PRPF6: variants seen among roughly 807,000 people sequenced by gnomAD.
PRPF6 encodes the protein pre-mRNA-processing factor 6.
Under a neutral mutation model 118.3 loss-of-function variants are expected in PRPF6, and 42 were observed. That is an observed-to-expected ratio of 0.35 (90% confidence interval 0.28 to 0.46). PRPF6 has a LOEUF of 0.46. Ranked by LOEUF, PRPF6 falls within the 20% of genes least tolerant of loss-of-function variation. The pLI, the probability that PRPF6 is intolerant of heterozygous loss-of-function variation, is 1.00. For synonymous variants in PRPF6, 481 were observed against 485.1 expected, an observed-to-expected ratio of 0.99 and a Z score of 0.11; for missense variants, 662 against 1,255.7, an observed-to-expected ratio of 0.53 and a Z score of 7.15.
At chr20:63,992,278 T>C (rs2059122043) in intron 3 of PRPF6, among the ~76,000 whole-genome samples, 1 of 152,038 alleles carries the variant, frequency 6.6e-6, no homozygotes, top group Non-Finnish European at 1.5e-5. Flanking sequence ...TTTATTTTTT[T>C]GAGACGAAGT....
In PRPF6 at chr20:64,027,214, GC is replaced by G; in HGVS notation, c.2205+61del. On this transcript the variant is annotated intron_variant, in intron 16 of 20. Transcript: ENST00000266079. The surrounding 1 kb of genome is among the most constrained non-coding windows in gnomAD (Gnocchi z 6.5). The stretch of plus-strand genomic sequence containing the variant: ...GCTGACCCGGCATTCACAAAACTGA[GC>G]CCCCTGGTGCAGGGTCATTGCCCTT... 1.9e-6 allele frequency: 3 copies of G among 1,598,666 alleles called. No individual in the cohort carries two copies. Among genetic ancestry groups the G allele is most frequent in the Non-Finnish European group, 2.6e-6 (3 of 1,171,286 alleles).
intron 13 of PRPF6, among the ~76,000 whole-genome samples, chr20:64,023,704 T>A (rs1190351987): frequency 4.6e-5 from 7 of 152,206 alleles, no homozygotes; most frequent in Admixed American, 4.6e-4. Flanking sequence ...CGTTTTGAAA[T>A]GGCTGCCATG....
chr20:63,990,583 C>T (rs960735278), intron 3 of PRPF6, among the ~76,000 whole-genome samples: 1 of 151,934 alleles, frequency 6.6e-6, no homozygotes, highest in Admixed American at 6.6e-5. Flanking sequence ...GATTCTCCTG[C>T]TTCAGCCTCC....
In PRPF6 at chr20:63,984,722, C is replaced by T. The variant is rs184520630; in HGVS notation, c.241-185C>T. 5.4e-4 allele frequency among the ~76,000 whole-genome samples: 83 copies of T among 152,340 alleles called. No individual in the cohort carries two copies. The East Asian group carries it at 0.011, about 21-fold the overall frequency. ...GGTCCCTTCCAATTGGGGGTCTCCT[C>T]TGTCTTCCATGCCCTTGACGCTTGA... On this transcript the variant is annotated intron_variant, in intron 2 of 20. Coordinates refer to ENST00000266079, the MANE Select transcript of PRPF6 (RefSeq NM_012469.4).
At chr20:64,032,763 G>A (rs943314547) in intron 20 of PRPF6, 78 bp from the exon 21 acceptor site, 3 of 1,532,452 alleles carry the variant, frequency 2.0e-6, no homozygotes, top group East Asian at 2.4e-5. Context: ...AGGTCTGCAG[G>A]GGCCAGGCGA....
intron 9 of PRPF6, among the ~76,000 whole-genome samples, chr20:64,002,301 G>T (rs1386771636): frequency 1.8e-4 from 27 of 150,412 alleles, no homozygotes; most frequent in Non-Finnish European, 3.1e-4. Context: ...GATTCCAGGC[G>T]TGAGCCACTG....
In PRPF6 at chr20:64,028,588, T is replaced by C; in HGVS notation, c.2431+19T>C. Reference sequence around the variant, plus strand: ...AACTCCGGTAAGGGGGTGCCCCGACTCCGGTAAGGGGGTGCCCTGACTCCG... The same window carrying C: ...AACTCCGGTAAGGGGGTGCCCCGACCCCGGTAAGGGGGTGCCCTGACTCCG... On this transcript the variant is annotated intron_variant, in intron 18 of 20. Transcript: ENST00000266079. This position sits in a 1 kb window ranked among gnomAD's most constrained non-coding sequence, Gnocchi z 6.5. 1 of 1,608,760 alleles carries C rather than the reference T, an allele frequency of 6.2e-7. No homozygotes were observed.
intron 3 of PRPF6, among the ~76,000 whole-genome samples, chr20:63,986,891 G>T (rs954944860): frequency 6.6e-6 from 1 of 151,876 alleles, no homozygotes; most frequent in Non-Finnish European, 1.5e-5. Context: ...ACCTCAGGCT[G>T]GGTGTGGTGG....
intron 3 of PRPF6, among the ~76,000 whole-genome samples, chr20:63,985,847 A>G (rs762821114): frequency 6.6e-6 from 1 of 152,186 alleles, no homozygotes; most frequent in African/African-American, 2.4e-5. Context: ...ACTAATACCA[A>G]TTCTACTCAG....
chr20:64,021,923 TCAGCCA>T (rs1282693283), intron 12 of PRPF6, among the ~76,000 whole-genome samples: 2 of 144,552 alleles, frequency 1.4e-5, no homozygotes, highest in Admixed American at 6.9e-5. Context: ...TGCATATGCC[TCAGCCA>T]CAGCCGTGTG....
Position 64,026,422 on chromosome 20 carries a change from C to T in PRPF6, c.2028+364C>T, listed in dbSNP as rs1013458607. Among the ~76,000 whole-genome samples, 11 of 152,124 alleles carry T rather than the reference C, an allele frequency of 7.2e-5. No individual in the cohort carries two copies. Among genetic ancestry groups the T allele is most frequent in the Middle Eastern group, 3.4e-3 (1 of 294 alleles). On this transcript the variant is annotated intron_variant, in intron 15 of 20. Coordinates refer to ENST00000266079, the MANE Select transcript of PRPF6 (RefSeq NM_012469.4). The surrounding 1 kb of genome is among the most constrained non-coding windows in gnomAD (Gnocchi z 4.4). ...TCGGGAGGCTGAGGCAGGAGAATCG[C>T]TTGAACCCCGGGGGTGGAGGTTGCG...
intron 3 of PRPF6, among the ~76,000 whole-genome samples, chr20:63,990,307 C>T (rs1264804052): frequency 6.6e-6 from 1 of 152,174 alleles, no homozygotes; most frequent in Non-Finnish European, 1.5e-5. Context: ...CATGAGATTT[C>T]ATGGGGACAC....
In PRPF6 at chr20:64,026,825, C is replaced by T. The variant is rs1318857268; in HGVS notation, c.2029-157C>T. On this transcript the variant is annotated intron_variant, in intron 15 of 20. Coordinates refer to ENST00000266079, the MANE Select transcript of PRPF6 (RefSeq NM_012469.4). This position sits in a 1 kb window ranked among gnomAD's most constrained non-coding sequence, Gnocchi z 4.4. ...AAAAAAAAACAAAACAAAACAAAAA[C>T]ATATATTTATCCCCACCTTTTGTGT... 2.0e-5 allele frequency among the ~76,000 whole-genome samples: 3 copies of T among 152,108 alleles called. No homozygotes were observed. The highest frequency in any genetic ancestry group is 4.4e-5 in the Non-Finnish European group (3 of 68,018).
chr20:64,001,632 G>A (rs992468371), intron 9 of PRPF6, among the ~76,000 whole-genome samples: 30 of 152,374 alleles, frequency 2.0e-4, no homozygotes, highest in Non-Finnish European at 3.8e-4. Context: ...CAGACCCGTT[G>A]TGGGTGTTAC....
chr20:64,016,081 G>T (rs1231394410), intron 11 of PRPF6, among the ~76,000 whole-genome samples: 1 of 151,982 alleles, frequency 6.6e-6, no homozygotes, highest in Non-Finnish European at 1.5e-5. Context: ...TTGTACCACA[G>T]CACTTCAGCC....
intron 9 of PRPF6, among the ~76,000 whole-genome samples, chr20:64,009,279 C>CAAAAAAA (rs59045216): frequency 7.8e-5 from 3 of 38,228 alleles, no homozygotes; most frequent in Non-Finnish European, 9.9e-5. Context: ...GACTCCATCG[C>CAAAAAAA]AAAAAAAAAA....
At chr20:63,989,841 C>A (rs1250492631) in intron 3 of PRPF6, among the ~76,000 whole-genome samples, 1 of 151,918 alleles carries the variant, frequency 6.6e-6, no homozygotes, top group African/African-American at 2.4e-5. Context: ...GTAATCATAA[C>A]TTCCTGTGAT....
chr20:64,026,970 T>C lies in PRPF6; in HGVS notation c.2029-12T>C. 6.2e-7 allele frequency: 1 copy of C among 1,613,738 alleles called. No individual in the cohort carries two copies. The highest frequency in any genetic ancestry group is 2.2e-5 in the East Asian group (1 of 44,880). ...CTGATGCCCTGCGTGACAGTGCATG[T>C]CTGCCCCACAGGTGTTCATGAAGTC... On this transcript the variant is annotated splice_polypyrimidine_tract_variant and intron_variant, in intron 15 of 20. Coordinates refer to ENST00000266079, the MANE Select transcript of PRPF6 (RefSeq NM_012469.4). The surrounding 1 kb of genome is among the most constrained non-coding windows in gnomAD (Gnocchi z 4.4).
intron 1 of PRPF6, among the ~76,000 whole-genome samples, chr20:63,982,243 G>C (rs187810610): frequency 2.0e-5 from 3 of 152,250 alleles, no homozygotes; most frequent in East Asian, 3.9e-4. Context: ...TGCGATCTCA[G>C]CTCCCTGCAA....
Sources: gnomAD v4.1 joint callset for allele counts (sites outside exome capture counted in the v4.1 genomes callset) on GRCh38, gnomAD v4.1.1 for gene constraint, Gnocchi (gnomAD v3.1) non-coding constraint, MANE v1.5 for transcripts, NCBI Gene and HGNC (gene_info 2026-07-23, HGNC 2026-07-21) for gene names.